The following CFAP221 variants were observed in gnomAD, a reference collection of about 807,000 sequenced individuals.
CFAP221 encodes cilia- and flagella-associated protein 221.
CFAP221 carries 97 observed loss-of-function variants against 113.1 expected under a neutral mutation model. The ratio of observed to expected loss-of-function variants is 0.86; its 90% CI spans 0.73 to 1.02. The LOEUF (loss-of-function observed/expected upper bound fraction) is 1.02, where lower values mean the gene tolerates loss of function less well. CFAP221 is among the 50% of genes least tolerant of loss of function. The pLI, the probability that CFAP221 is intolerant of heterozygous loss-of-function variation, is 0.00. For missense variants in CFAP221, 1,025 were observed against 1,013.4 expected, an observed-to-expected ratio of 1.01 and a Z score of -0.16; for synonymous variants, 331 against 354.4, an observed-to-expected ratio of 0.93 and a Z score of 0.74.
chr2:119,547,263 A>G (rs1407071926), intron 2 of CFAP221, among the ~76,000 whole-genome samples: 1 of 152,204 alleles, frequency 6.6e-6, no homozygotes, highest in Non-Finnish European at 1.5e-5. Context: ...TCAACATTAA[A>G]AAAATCATAG....
At chr2:119,625,540 G>A (rs1486826230) in intron 14 of CFAP221, 43 bp from the exon 15 acceptor site, 4 of 1,522,600 alleles carry the variant, frequency 2.6e-6, no homozygotes, top group Non-Finnish European at 3.6e-6. Context: ...AAATGAGCGT[G>A]TGTTGATTAA....
At chr2:119,628,325 G>GTGTGTT (rs1686517954) in intron 16 of CFAP221, among the ~76,000 whole-genome samples, 1 of 151,820 alleles carries the variant, frequency 6.6e-6, no homozygotes, top group Non-Finnish European at 1.5e-5. Flanking sequence ...GTGTGTGTGT[G>GTGTGTT]TGTGTGTGTA....
intron 7 of CFAP221, among the ~76,000 whole-genome samples, chr2:119,600,167 A>C (rs541189661): frequency 1.1e-4 from 16 of 152,288 alleles, no homozygotes; most frequent in African/African-American, 3.9e-4. Flanking sequence ...TAAGTAAATA[A>C]ATAAATAACA....
intron 15 of CFAP221, 87 bp downstream of exon 15, chr2:119,625,775 C>A: frequency 1.8e-6 from 2 of 1,136,224 alleles, no homozygotes; most frequent in Non-Finnish European, 2.5e-6. Context: ...TAGCTCTATG[C>A]AAATAAAAAA....
At chr2:119,572,134 G>A (rs1021955886) in intron 6 of CFAP221, among the ~76,000 whole-genome samples, 1 of 152,194 alleles carries the variant, frequency 6.6e-6, no homozygotes, top group Admixed American at 6.5e-5. Flanking sequence ...TTTCCTTACT[G>A]AGATAAAATT....
At chr2:119,619,585 T>G (rs1334119779) in intron 14 of CFAP221, among the ~76,000 whole-genome samples, 1 of 152,000 alleles carries the variant, frequency 6.6e-6, no homozygotes, top group Non-Finnish European at 1.5e-5. Context: ...CATCCGAAGG[T>G]CACCAACATC....
chr2:119,545,151 CTGAAGCTA>C (rs1313621824), intron 1 of CFAP221: 2 of 152,226 alleles, frequency 1.3e-5, no homozygotes, highest in Non-Finnish European at 2.9e-5. Context: ...TCTTGGGAGT[CTGAAGCTA>C]TGGGTCTTCT....
intron 11 of CFAP221, 135 bp from the exon 12 acceptor site, chr2:119,608,367 C>T (rs781045611): frequency 1.2e-4 from 68 of 552,044 alleles, no homozygotes; most frequent in Non-Finnish European, 1.8e-4. Flanking sequence ...CTATAACTAA[C>T]TTCTCTATCC....
At chr2:119,623,965 A>G (rs531057185) in intron 14 of CFAP221, among the ~76,000 whole-genome samples, 8 of 152,334 alleles carry the variant, frequency 5.3e-5, no homozygotes, top group Non-Finnish European at 8.8e-5. Flanking sequence ...ACAGGCAAAG[A>G]CTTCATGACT....
intron 7 of CFAP221, among the ~76,000 whole-genome samples, chr2:119,595,970 T>C (rs1683938192): frequency 6.6e-6 from 1 of 151,668 alleles, no homozygotes; most frequent in Non-Finnish European, 1.5e-5. Flanking sequence ...CGAGAGCCCA[T>C]TGTGGCCAGG....
intron 8 of CFAP221, among the ~76,000 whole-genome samples, chr2:119,602,180 GA>G: frequency 6.6e-6 from 1 of 152,286 alleles, no homozygotes; most frequent in East Asian, 1.9e-4. Context: ...AGGCTTTCAA[GA>G]CCAGCCTGGC....
At chr2:119,555,415 T>C (rs1470843855) in intron 3 of CFAP221, among the ~76,000 whole-genome samples, 1 of 152,222 alleles carries the variant, frequency 6.6e-6, no homozygotes, top group African/African-American at 2.4e-5. Context: ...TTACTTGTGT[T>C]TTGTTATGTT....
chr2:119,564,352 C>T (rs1199963498), intron 6 of CFAP221, among the ~76,000 whole-genome samples: 1 of 152,106 alleles, frequency 6.6e-6, no homozygotes, highest in Non-Finnish European at 1.5e-5. Context: ...ACTCTCTCTG[C>T]TTACTTTTGT....
At chr2:119,627,818 G>C in intron 16 of CFAP221, 32 bp downstream of exon 16, 1 of 1,611,196 alleles carries the variant, frequency 6.2e-7, no homozygotes, top group Non-Finnish European at 8.5e-7. Flanking sequence ...GGCGGGGAGT[G>C]GACATGATCA....
rs1351833798 is a variant in CFAP221, at chr2:119,646,857, C to T, written c.2226-101C>T. 6.8e-6 allele frequency: 7 copies of T among 1,022,064 alleles called. No individual in the cohort carries two copies. The African/African-American group carries it at 1.1e-4, about 17-fold the overall frequency. 63.3% of individuals were successfully genotyped at this position (1,022,064 alleles called of 1,614,324 possible). A position where few individuals can be genotyped will look rare whatever the true frequency, so the allele number is the denominator to read the frequency against. On this transcript the variant is annotated intron_variant, in intron 21 of 23. Coordinates refer to ENST00000413369, the MANE Select transcript of CFAP221 (RefSeq NM_001271049.2). The stretch of plus-strand genomic sequence containing the variant: ...GTGAGGGAGGACAGAGTAGTAGAGG[C>T]CTCGCCAGCAGTAAAATAAAAATTC...
At chr2:119,614,575 A>G (rs1029982886) in intron 13 of CFAP221, among the ~76,000 whole-genome samples, 33 of 152,188 alleles carry the variant, frequency 2.2e-4, no homozygotes, top group Admixed American at 3.3e-4. Flanking sequence ...GAAGCCCCTT[A>G]CAAAAACCAT....
chr2:119,587,059 C>G, intron 6 of CFAP221, 60 bp from the exon 7 acceptor site: 2 of 1,282,952 alleles, frequency 1.6e-6, no homozygotes, highest in Non-Finnish European at 1.0e-6. Context: ...TCCTTGCTAC[C>G]AAAAGAACCA....
chr2:119,619,004 G>A (rs1334542778), intron 14 of CFAP221, among the ~76,000 whole-genome samples: 2 of 152,266 alleles, frequency 1.3e-5, no homozygotes, highest in Middle Eastern at 3.4e-3. Context: ...ACTGTAGCTC[G>A]GCAAAACCAC....
rs1398779910 is a variant in CFAP221 at position 119,630,786 on chromosome 2, C to T, written c.1859C>T (p.Thr620Ile). The T allele has an allele frequency of 1.9e-6, 3 of 1,612,142 alleles. No homozygotes were observed. Among genetic ancestry groups the T allele is most frequent in the Non-Finnish European group, 2.5e-6 (3 of 1,178,374 alleles). Residue 620 changes from threonine to isoleucine, a missense_variant, in exon 19 of 24, where the codon ACA becomes ATA. Physicochemically the swap from Thr to Ile is moderately conservative, Grantham distance 89. Coordinates refer to ENST00000413369, the MANE Select transcript of CFAP221 (RefSeq NM_001271049.2). ...QGAEDEVTTITALPKQDSTTQ... is the reference protein window; with the variant it reads ...QGAEDEVTTIIALPKQDSTTQ... Reference sequence around the variant, plus strand: ...TGTTAGGATGAAGTCACCACCATCACAGCCCTTCCGAAACAGGACTCCACA... The same window carrying T: ...TGTTAGGATGAAGTCACCACCATCATAGCCCTTCCGAAACAGGACTCCACA...
Sources: gnomAD v4.1 joint callset for allele counts (sites outside exome capture counted in the v4.1 genomes callset) on GRCh38, gnomAD v4.1.1 for gene constraint, MANE v1.5 for transcripts, NCBI Gene and HGNC (gene_info 2026-07-23, HGNC 2026-07-21) for gene names.